Variants in LMO7 observed in about 807,000 individuals in gnomAD.
The protein encoded by LMO7 is LIM domain only protein 7.
LMO7 carries 120 observed loss-of-function variants against 206.5 expected under a neutral mutation model. That is an observed-to-expected ratio of 0.58 (90% confidence interval 0.50 to 0.68). LMO7 has a LOEUF of 0.68. Among genes scored for constraint, LMO7 ranks in the 30% least tolerant of loss-of-function variants. The probability of loss-of-function intolerance (pLI) is 0.00; values close to 1 mark genes in which losing one functional copy is unlikely to be tolerated. For missense variants in LMO7, 1,959 were observed against 1,957.9 expected (o/e 1.00, Z -0.01); for synonymous variants, 706 against 681.5 (o/e 1.04, Z -0.56).
intron 4 of LMO7, 78 bp downstream of exon 4, chr13:75,761,116 G>T (rs1413770183): frequency 7.8e-6 from 7 of 892,584 alleles, no homozygotes; most frequent in Non-Finnish European, 3.4e-6. Flanking sequence ...AAGAATTGCT[G>T]AGAGTTCATG....
Position 75,808,054 on chromosome 13 carries a change from C to G in LMO7, c.1771C>G (p.Arg591Gly). 6.2e-7 allele frequency: 1 copy of G among 1,613,932 alleles called. No individual in the cohort carries two copies. The highest frequency in any genetic ancestry group is 8.5e-7 in the Non-Finnish European group (1 of 1,179,882). The part of the protein sequence containing the change: ...YRQKKDDMLT[R>G]KIQSWKLGTT... ...GCAGAAGAAAGATGACATGCTGACA[C>G]GTAAGATTCAGTCCTGGAAACTGGG... The change falls in exon 10 of 31, where the codon CGT becomes GGT. Residue 591 changes from arginine to glycine, a missense_variant. Arg to Gly is a moderately radical substitution (Grantham distance 125). Transcript: ENST00000377534.
Position 75,841,122 on chromosome 13 carries a change from G to C in LMO7, c.3596G>C (p.Arg1199Pro). 2 of 1,609,326 alleles carry C rather than the reference G, an allele frequency of 1.2e-6. No homozygotes were observed. The highest frequency in any genetic ancestry group is 1.7e-6 in the Non-Finnish European group (2 of 1,176,308). The change falls in exon 23 of 31, where the codon CGT becomes CCT. Residue 1199 changes from arginine (R) to proline (P), a missense_variant. Physicochemically the swap from Arg to Pro is moderately radical, Grantham distance 103. Coordinates refer to ENST00000377534, the MANE Select transcript of LMO7 (RefSeq NM_001306080.2). The part of the protein sequence containing the change: ...QDRLLQEKYQ[R>P]EQEKLREEWQ... ...ATTTTCTTATAGGAAAAATATCAAC[G>C]TGAGCAGGAGAAACTGAGGGAAGAG...
chr13:75,772,159 A>G (rs1314463186), intron 4 of LMO7, among the ~76,000 whole-genome samples: 1 of 152,178 alleles, frequency 6.6e-6, no homozygotes, highest in Non-Finnish European at 1.5e-5. Context: ...CCAAGCCTTT[A>G]GAAATAATTA....
chr13:75,821,897 A>G lies in LMO7; in HGVS notation c.2640+288A>G, dbSNP rs189266163. 3.9e-4 allele frequency among the ~76,000 whole-genome samples: 59 copies of G among 152,194 alleles called. No homozygotes were observed. In the East Asian group the frequency reaches 0.011, roughly 28 times the overall value. On this transcript the variant is annotated intron_variant, in intron 14 of 30. Transcript: ENST00000377534. ...TTATTTTATAATGTCTTTTTTTTAG[A>G]TGTACCTTTTGTAAAGTTTTAGGTT...
intron 1 of LMO7, among the ~76,000 whole-genome samples, chr13:75,666,074 G>T (rs187287253): frequency 6.6e-6 from 1 of 152,154 alleles, no homozygotes; most frequent in Non-Finnish European, 1.5e-5. Flanking sequence ...GACTGCACTT[G>T]GAGTCAGAGG....
chr13:75,692,708 G>A (rs2041591806), intron 1 of LMO7, among the ~76,000 whole-genome samples: 1 of 152,180 alleles, frequency 6.6e-6, no homozygotes, highest in Non-Finnish European at 1.5e-5. Flanking sequence ...GTCTAGTCAA[G>A]TTTTAGCTCT....
At chr13:75,741,173 C>A (rs568493636) in intron 3 of LMO7, among the ~76,000 whole-genome samples, 2 of 152,186 alleles carry the variant, frequency 1.3e-5, no homozygotes, top group South Asian at 4.1e-4. Context: ...GAGGGTGAGC[C>A]ACTCTCACAA....
At chr13:75,851,445 C>G (rs1385292632) in intron 27 of LMO7, among the ~76,000 whole-genome samples, 1 of 152,204 alleles carries the variant, frequency 6.6e-6, no homozygotes, top group Non-Finnish European at 1.5e-5. Flanking sequence ...ATGGTGGATA[C>G]CTCTGCGGGT....
At chr13:75,701,248 C>G (rs754936727) in intron 1 of LMO7, among the ~76,000 whole-genome samples, 1 of 152,276 alleles carries the variant, frequency 6.6e-6, no homozygotes. Context: ...AGAATTATTG[C>G]AGGAATTCTT....
intron 3 of LMO7, among the ~76,000 whole-genome samples, chr13:75,741,137 T>C (rs2046379123): frequency 6.6e-6 from 1 of 152,232 alleles, no homozygotes; most frequent in Non-Finnish European, 1.5e-5. Flanking sequence ...TAAAACTACA[T>C]TGAATAAATA....
chr13:75,638,503 C>T (rs959977705), intron 1 of LMO7, among the ~76,000 whole-genome samples: 3 of 152,112 alleles, frequency 2.0e-5, no homozygotes, highest in African/African-American at 4.8e-5. Flanking sequence ...TTTTGTTCAT[C>T]GTTAGCAGAG....
chr13:75,852,362 G>A (rs2060567521), intron 27 of LMO7, among the ~76,000 whole-genome samples: 1 of 152,278 alleles, frequency 6.6e-6, no homozygotes, highest in Admixed American at 6.5e-5. Context: ...GGAGGTTGAG[G>A]ATCGAAAAAC....
intron 15 of LMO7, among the ~76,000 whole-genome samples, chr13:75,826,260 T>C (rs950357835): frequency 7.2e-5 from 11 of 152,074 alleles, no homozygotes; most frequent in Non-Finnish European, 4.4e-5. Context: ...CATACTGCTC[T>C]CAAACTCCTG....
chr13:75,819,729 A>G (rs1234210804), intron 13 of LMO7, among the ~76,000 whole-genome samples, 194 bp downstream of exon 13: 18 of 152,250 alleles, frequency 1.2e-4, no homozygotes, highest in Non-Finnish European at 1.2e-4. Context: ...TTAGAGTAAT[A>G]GTAACAAAAT....
rs77575815 is a variant in LMO7 at position 75,847,853 on chromosome 13, A to G, written c.4151-1226A>G. Reference sequence around the variant, plus strand: ...AACTGGACTTTCTGGAGTAGGAGACAGTTACTTTATGTTCTCATGCAGCAC... The same window carrying G: ...AACTGGACTTTCTGGAGTAGGAGACGGTTACTTTATGTTCTCATGCAGCAC... On this transcript the variant is annotated intron_variant, in intron 26 of 30. Transcript: ENST00000377534. Among the ~76,000 whole-genome samples the G allele has an allele frequency of 3.4e-3, 514 of 152,274 alleles. 7 individuals carry two copies. Among genetic ancestry groups the G allele is most frequent in the African/African-American group, 0.012 (504 of 41,546 alleles).
At chr13:75,760,381 G>A in intron 3 of LMO7, 1 of 1,059,236 alleles carries the variant, frequency 9.4e-7, no homozygotes, top group Non-Finnish European at 1.1e-6. Flanking sequence ...CTATAGTATG[G>A]TTTCCCTGCC....
intron 1 of LMO7, among the ~76,000 whole-genome samples, chr13:75,679,723 A>G (rs1051893992): frequency 6.6e-6 from 1 of 152,158 alleles, no homozygotes; most frequent in Non-Finnish European, 1.5e-5. Context: ...CTGGGACTGT[A>G]GGCATGTGCC....
intron 2 of LMO7, among the ~76,000 whole-genome samples, chr13:75,630,168 A>G (rs1487431402): frequency 2.6e-5 from 4 of 152,152 alleles, no homozygotes; most frequent in African/African-American, 9.7e-5. Flanking sequence ...CATTTGTGTT[A>G]TTTTTAATTG....
At chr13:75,731,926 A>ATTCTT (rs1166382927) in intron 3 of LMO7, among the ~76,000 whole-genome samples, 2 of 151,536 alleles carry the variant, frequency 1.3e-5, no homozygotes, top group Admixed American at 6.6e-5. Context: ...TGGGTTGAAA[A>ATTCTT]TTCTTTAAGA....
Sources: allele counts gnomAD v4.1 joint callset (sites outside exome capture counted in the v4.1 genomes callset), GRCh38; gene constraint gnomAD v4.1.1; transcripts MANE v1.5; gene names NCBI Gene and HGNC (gene_info 2026-07-23, HGNC 2026-07-21).